DYNC1LI2: variants seen among roughly 807,000 people sequenced by gnomAD.
The protein encoded by DYNC1LI2 is cytoplasmic dynein 1 light intermediate chain 2.
DYNC1LI2 carries 19 observed loss-of-function variants against 57.8 expected under a neutral mutation model. The ratio of observed to expected loss-of-function variants is 0.33; its 90% CI spans 0.23 to 0.48. The LOEUF (loss-of-function observed/expected upper bound fraction) is 0.48. Among genes scored for constraint, DYNC1LI2 ranks in the 20% least tolerant of loss-of-function variants. DYNC1LI2 has a pLI of 0.99. For missense variants in DYNC1LI2, 470 were observed against 604.2 expected (o/e 0.78, Z 2.33); for synonymous variants, 256 against 233.4 (o/e 1.10, Z -0.88).
At chr16:66,723,953 A>C in intron 12 of DYNC1LI2, 131 bp from the exon 13 acceptor site, 1 of 772,290 alleles carries the variant, frequency 1.3e-6, no homozygotes, top group Non-Finnish European at 2.0e-6. Context: ...AGAATGAGGA[A>C]AGCCCTTTTC....
chr16:66,749,899 C>T (rs1254894999), intron 2 of DYNC1LI2, among the ~76,000 whole-genome samples: 1 of 152,182 alleles, frequency 6.6e-6, no homozygotes, highest in African/African-American at 2.4e-5. Flanking sequence ...TTAAGCACTT[C>T]TTCATCTCCC....
In DYNC1LI2 at chr16:66,751,552, G is replaced by T; in HGVS notation, c.40C>A (p.Pro14Thr). 1 of 1,586,384 alleles carries T rather than the reference G, an allele frequency of 6.3e-7. No homozygotes were observed. The highest frequency in any genetic ancestry group is 8.6e-7 in the Non-Finnish European group (1 of 1,168,750). ...VGVEKKLLLG[P>T]NGPAVAAAGD... is the part of the protein sequence containing the mutation. ...GCGGCCGCCACCGCGGGCCCGTTGG[G>T]ACCTAGCAGCAGCTTCTTCTCCACC... The change falls in exon 1 of 13, where the codon CCC becomes ACC. Residue 14 changes from proline (P) to threonine (T), a missense_variant. Coordinates refer to ENST00000258198, the MANE Select transcript of DYNC1LI2 (RefSeq NM_006141.3). The surrounding 1 kb of genome is among the most constrained non-coding windows in gnomAD (Gnocchi z 5.2).
In DYNC1LI2 at chr16:66,723,838, A is replaced by G. The variant is rs756326718; in HGVS notation, c.1379-16T>C. ...GTCTTTTGTCCTGAAAAAAAAAAAA[A>G]GCAAAAAAGCAAAGTAATGATGTGA... is the stretch of plus-strand genomic sequence containing the variant. On this transcript the variant is annotated splice_polypyrimidine_tract_variant and intron_variant, in intron 12 of 12. Coordinates refer to ENST00000258198, the MANE Select transcript of DYNC1LI2 (RefSeq NM_006141.3). 3.6e-6 allele frequency: 5 copies of G among 1,404,334 alleles called. No individual in the cohort carries two copies. The highest frequency in any genetic ancestry group is 4.3e-5 in the Admixed American group (2 of 46,430). 87.0% of individuals were successfully genotyped at this position (1,404,334 alleles called of 1,614,324 possible).
At chr16:66,735,148 G>A (rs1326668064) in intron 5 of DYNC1LI2, among the ~76,000 whole-genome samples, 4 of 137,586 alleles carry the variant, frequency 2.9e-5, no homozygotes, top group Non-Finnish European at 6.1e-5. Flanking sequence ...GTGTCATCCC[G>A]GATGGAGTGC....
chr16:66,730,388 G>A (rs2017614910), intron 7 of DYNC1LI2, 165 bp from the exon 8 acceptor site: 10 of 587,822 alleles, frequency 1.7e-5, no homozygotes, highest in Non-Finnish European at 2.7e-5. Context: ...TACACTGTGG[G>A]TATAATCCAT....
chr16:66,740,453 C>T (rs921383298), intron 4 of DYNC1LI2, among the ~76,000 whole-genome samples: 1 of 152,222 alleles, frequency 6.6e-6, no homozygotes, highest in Admixed American at 6.5e-5. Context: ...ACATACAACA[C>T]AAAGACGTGG....
intron 9 of DYNC1LI2, 40 bp downstream of exon 9, chr16:66,729,000 C>T (rs372779650): frequency 1.2e-6 from 2 of 1,609,154 alleles, no homozygotes; most frequent in Non-Finnish European, 1.7e-6. Context: ...GCATTTCATG[C>T]ATGAGAAGGC....
intron 4 of DYNC1LI2, among the ~76,000 whole-genome samples, chr16:66,736,764 G>A (rs2144988425): frequency 6.6e-6 from 1 of 152,262 alleles, no homozygotes; most frequent in South Asian, 2.1e-4. Flanking sequence ...CCAAAGTGCT[G>A]GGATTATGGG....
At chr16:66,743,345 C>T (rs1596996726) in intron 3 of DYNC1LI2, among the ~76,000 whole-genome samples, 4 of 151,926 alleles carry the variant, frequency 2.6e-5, no homozygotes, top group African/African-American at 9.7e-5. Flanking sequence ...GAACTGATCA[C>T]GAGGTCGGGA....
At position 66,721,142 on chromosome 16, in the gene DYNC1LI2, A is replaced by G. The variant is rs1366359858; in HGVS notation, c.*2580T>C. 13 of 152,664 alleles carry G rather than the reference A, an allele frequency of 8.5e-5. No individual in the cohort carries two copies. Among genetic ancestry groups the G allele is most frequent in the Admixed American group, 8.5e-4 (13 of 15,284 alleles). The allele number at this position is 152,664 out of a possible 1,614,324, so 9.5% of individuals were successfully genotyped here. A position where few individuals can be genotyped will look rare whatever the true frequency, so the allele number is the denominator to read the frequency against. On this transcript the variant is annotated 3_prime_UTR_variant, in exon 13 of 13. Coordinates refer to ENST00000258198, the MANE Select transcript of DYNC1LI2 (RefSeq NM_006141.3). ...TTGTTAAGGTCATGATGTACAGAGC[A>G]GTCACTTTCAACTTTGTTAAATTAA...
intron 3 of DYNC1LI2, among the ~76,000 whole-genome samples, chr16:66,746,389 GTATATT>G (rs1389976037): frequency 6.6e-6 from 1 of 152,166 alleles, no homozygotes; most frequent in Non-Finnish European, 1.5e-5. Context: ...CTTGCAAAGT[GTATATT>G]TATAACTCAA....
intron 5 of DYNC1LI2, among the ~76,000 whole-genome samples, chr16:66,734,528 G>T (rs1048124642): frequency 2.0e-5 from 3 of 151,688 alleles, no homozygotes; most frequent in Non-Finnish European, 2.9e-5. Flanking sequence ...GATGTAATAG[G>T]CCTGATCACC....
At chr16:66,730,336 G>C in intron 7 of DYNC1LI2, 113 bp from the exon 8 acceptor site, 1 of 839,778 alleles carries the variant, frequency 1.2e-6, no homozygotes, top group Non-Finnish European at 1.8e-6. Context: ...ATAGTGTGTA[G>C]TTGTTGGGGG....
intron 3 of DYNC1LI2, among the ~76,000 whole-genome samples, chr16:66,746,118 G>A (rs1486358914): frequency 6.6e-6 from 1 of 151,696 alleles, no homozygotes; most frequent in South Asian, 2.1e-4. Flanking sequence ...TTTAGTTTGG[G>A]TTCTGTGAAT....
chr16:66,737,676 T>C (rs1036934591), intron 4 of DYNC1LI2, among the ~76,000 whole-genome samples: 2 of 152,200 alleles, frequency 1.3e-5, no homozygotes, highest in Admixed American at 6.5e-5. Context: ...AAGTCACTTG[T>C]GCAGTGTTCA....
In DYNC1LI2 at chr16:66,723,086, C is replaced by A. The variant is rs948219484; in HGVS notation, c.*636G>T. On this transcript the variant is annotated 3_prime_UTR_variant, in exon 13 of 13. Coordinates refer to ENST00000258198, the MANE Select transcript of DYNC1LI2 (RefSeq NM_006141.3). Reference sequence around the variant, plus strand: ...GACTCAGGCACCCCCACAATTAGTACATCTTTCGTAAGTTAAAGATGCATT... The same window carrying A: ...GACTCAGGCACCCCCACAATTAGTAAATCTTTCGTAAGTTAAAGATGCATT... 1 of 339,478 alleles carries A rather than the reference C, an allele frequency of 2.9e-6. No individual in the cohort carries two copies. The highest frequency in any genetic ancestry group is 2.4e-5 in the South Asian group (1 of 42,358). The allele number at this position is 339,478 out of a possible 1,614,324, so 21.0% of individuals were successfully genotyped here. A position where few individuals can be genotyped will look rare whatever the true frequency, so the allele number is the denominator to read the frequency against.
intron 4 of DYNC1LI2, among the ~76,000 whole-genome samples, chr16:66,742,067 C>T (rs890615243): frequency 2.0e-5 from 3 of 152,160 alleles, no homozygotes; most frequent in African/African-American, 7.2e-5. Context: ...GCAGTAAACT[C>T]AAGCTGCAGA....
chr16:66,725,153 C>T (rs1203087641), intron 12 of DYNC1LI2, among the ~76,000 whole-genome samples: 14 of 139,096 alleles, frequency 1.0e-4, no homozygotes, highest in Admixed American at 3.1e-4. Flanking sequence ...CCAGCCTGGG[C>T]GACAGAGCAA....
chr16:66,749,609 A>G (rs945127678), intron 2 of DYNC1LI2, among the ~76,000 whole-genome samples: 4 of 152,190 alleles, frequency 2.6e-5, no homozygotes, highest in African/African-American at 9.7e-5. Context: ...TTTATAAGAC[A>G]TGCATTCGGA....
Sources: allele counts gnomAD v4.1 joint callset (sites outside exome capture counted in the v4.1 genomes callset), GRCh38; gene constraint gnomAD v4.1.1; non-coding constraint Gnocchi (gnomAD v3.1); transcripts MANE v1.5; gene names NCBI Gene and HGNC (gene_info 2026-07-23, HGNC 2026-07-21).